RNF220: variants seen among roughly 807,000 people sequenced by gnomAD.
The protein encoded by RNF220 is ring finger protein 220.
In RNF220, 7 loss-of-function variants were observed where a neutral mutation model predicts 67.1. The ratio of observed to expected loss-of-function variants is 0.10; its 90% CI spans 0.06 to 0.20. The LOEUF (loss-of-function observed/expected upper bound fraction) is 0.20, where lower values mean the gene tolerates loss of function less well. Ranked by LOEUF, RNF220 falls within the 10% of genes least tolerant of loss-of-function variation. The probability of loss-of-function intolerance (pLI) is 1.00; values close to 1 mark genes in which losing one functional copy is unlikely to be tolerated. For missense variants in RNF220, 565 were observed against 740.3 expected (o/e 0.76, Z 2.75); for synonymous variants, 270 against 283.2 (o/e 0.95, Z 0.47).
intron 2 of RNF220, among the ~76,000 whole-genome samples, chr1:44,501,170 G>C (rs901185514): frequency 1.3e-4 from 20 of 149,672 alleles, no homozygotes; most frequent in African/African-American, 4.4e-4. Flanking sequence ...GGGGGAGGGG[G>C]TGGGGAGAGC....
chr1:44,551,209 G>T (rs984505285), intron 2 of RNF220, among the ~76,000 whole-genome samples: 3 of 147,424 alleles, frequency 2.0e-5, no homozygotes, highest in South Asian at 2.1e-4. Flanking sequence ...TCGCCTTCTG[G>T]ATTCAAGCAA....
At chr1:44,409,044 T>G (rs1307660714) in intron 1 of RNF220, 2 of 152,278 alleles carry the variant, frequency 1.3e-5, no homozygotes, top group Non-Finnish European at 2.9e-5. Context: ...CAGCCCAGCC[T>G]CAGACATTTT....
At chr1:44,599,556 G>A (rs535423405) in intron 2 of RNF220, among the ~76,000 whole-genome samples, 1 of 152,298 alleles carries the variant, frequency 6.6e-6, no homozygotes, top group East Asian at 1.9e-4. Context: ...CTACCCAGGA[G>A]GCTGAGGTGA....
intron 5 of RNF220, 41 bp downstream of exon 5, chr1:44,626,439 C>G: frequency 4.0e-6 from 6 of 1,514,258 alleles, no homozygotes; most frequent in Non-Finnish European, 5.5e-6. Context: ...GCAAGCTCAC[C>G]TGGGGGAGGG....
intron 2 of RNF220, among the ~76,000 whole-genome samples, chr1:44,543,630 G>A (rs905243932): frequency 1.3e-5 from 2 of 152,056 alleles, no homozygotes; most frequent in African/African-American, 2.4e-5. Context: ...CGTGGAAGCC[G>A]TGTGTGCATG....
intron 2 of RNF220, among the ~76,000 whole-genome samples, chr1:44,495,841 G>C (rs1409696977): frequency 6.6e-6 from 1 of 152,222 alleles, no homozygotes; most frequent in Non-Finnish European, 1.5e-5. Context: ...ACAGACATCT[G>C]TTTTGCTCCC....
chr1:44,469,333 C>A (rs1048958488), intron 2 of RNF220, among the ~76,000 whole-genome samples: 7 of 152,100 alleles, frequency 4.6e-5, no homozygotes, highest in Non-Finnish European at 1.0e-4. Context: ...TCCGTAGGGT[C>A]TTTAATTCTT....
intron 2 of RNF220, among the ~76,000 whole-genome samples, chr1:44,597,297 A>C (rs974189586): frequency 2.0e-5 from 3 of 152,234 alleles, no homozygotes; most frequent in African/African-American, 7.2e-5. Flanking sequence ...AAATAAATGA[A>C]TGAAGTAGCC....
Position 44,565,821 on chromosome 1 carries a change from A to G in RNF220, c.626-48344A>G, listed in dbSNP as rs1418784618. ...TGGAGACTCCCATCCCCGTCCTGCA[A>G]CCCAGTCCTCCTGCTGCAGTCTTAC... On this transcript the variant is annotated intron_variant, in intron 2 of 14. Coordinates refer to ENST00000361799, the MANE Select transcript of RNF220 (RefSeq NM_018150.4). This position sits in a 1 kb window ranked among gnomAD's most constrained non-coding sequence, Gnocchi z 4.2. 6.6e-6 allele frequency among the ~76,000 whole-genome samples: 1 copy of G among 152,036 alleles called. No homozygotes were observed. The highest frequency in any genetic ancestry group is 1.9e-4 in the East Asian group (1 of 5,188).
Position 44,645,691 on chromosome 1 carries a change from A to T in RNF220, c.1445+203A>T, listed in dbSNP as rs1256067120. Among the ~76,000 whole-genome samples the T allele has an allele frequency of 6.6e-6, 1 of 152,184 alleles. No individual in the cohort carries two copies. Among genetic ancestry groups the T allele is most frequent in the African/African-American group, 2.4e-5 (1 of 41,442 alleles). The stretch of plus-strand genomic sequence containing the variant: ...TTGATCACTGGGCCACGGCCCCAGA[A>T]GCCTTGGCGGTGGGAGGAGCAGTCC... On this transcript the variant is annotated intron_variant, in intron 12 of 14. Transcript: ENST00000361799. This position sits in a 1 kb window ranked among gnomAD's most constrained non-coding sequence, Gnocchi z 5.0.
intron 2 of RNF220, among the ~76,000 whole-genome samples, chr1:44,589,968 G>C (rs1665998904): frequency 6.6e-6 from 1 of 152,152 alleles, no homozygotes; most frequent in African/African-American, 2.4e-5. Flanking sequence ...CTGGACCCTG[G>C]TGCAAATTAA....
At chr1:44,411,225 T>A (rs781544090) in intron 1 of RNF220, among the ~76,000 whole-genome samples, 3 of 152,216 alleles carry the variant, frequency 2.0e-5, no homozygotes, top group Non-Finnish European at 2.9e-5. Flanking sequence ...GTTTTAAGTG[T>A]TGTCAGAGAC....
In RNF220 at chr1:44,606,400, A is replaced by C. The variant is rs1028226784; in HGVS notation, c.626-7765A>C. Among the ~76,000 whole-genome samples, 5 of 152,206 alleles carry C rather than the reference A, an allele frequency of 3.3e-5. No homozygotes were observed. The highest frequency in any genetic ancestry group is 1.2e-4 in the African/African-American group (5 of 41,444). The stretch of plus-strand genomic sequence containing the variant: ...AAGAGAAGGAGGAAGGGACTGAGTG[A>C]GGGGAGAGTGGATGAGTAATTAGGT... On this transcript the variant is annotated intron_variant, in intron 2 of 14. Transcript: ENST00000361799. The surrounding 1 kb of genome is among the most constrained non-coding windows in gnomAD (Gnocchi z 4.2).
At chr1:44,637,630 T>C (rs1644366560) in intron 8 of RNF220, among the ~76,000 whole-genome samples, 1 of 152,232 alleles carries the variant, frequency 6.6e-6, no homozygotes, top group South Asian at 2.1e-4. Flanking sequence ...TTATGGAGGA[T>C]AAAGCTGCAA....
intron 2 of RNF220, among the ~76,000 whole-genome samples, chr1:44,458,192 G>A (rs989198115): frequency 3.9e-5 from 6 of 152,034 alleles, no homozygotes; most frequent in East Asian, 3.9e-4. Context: ...GAACCCAGGC[G>A]TTACAGTGAG....
At chr1:44,553,700 T>A (rs1662851651) in intron 2 of RNF220, among the ~76,000 whole-genome samples, 1 of 152,180 alleles carries the variant, frequency 6.6e-6, no homozygotes, top group African/African-American at 2.4e-5. Context: ...TATGGTCCAG[T>A]TAGTGTCCCA....
intron 8 of RNF220, chr1:44,644,471 A>T (rs1644577720): frequency 7.6e-6 from 4 of 523,212 alleles, no homozygotes; most frequent in Non-Finnish European, 1.4e-5. Context: ...ATGAGCAGAG[A>T]CCACTTGGAG....
At chr1:44,623,185 A>G (rs1372046598) in intron 4 of RNF220, among the ~76,000 whole-genome samples, 1 of 152,064 alleles carries the variant, frequency 6.6e-6, no homozygotes, top group African/African-American at 2.4e-5. Context: ...AAGCCAGACT[A>G]TGGGGGCACA....
At chr1:44,635,728 A>T in intron 7 of RNF220, 140 bp downstream of exon 7, 1 of 1,508,116 alleles carries the variant, frequency 6.6e-7, no homozygotes, top group Non-Finnish European at 8.9e-7. Flanking sequence ...CTAGCTGCTG[A>T]CTGCCCCTGA....
Sources: gnomAD v4.1 joint callset for allele counts (sites outside exome capture counted in the v4.1 genomes callset) on GRCh38, gnomAD v4.1.1 for gene constraint, Gnocchi (gnomAD v3.1) non-coding constraint, MANE v1.5 for transcripts, NCBI Gene and HGNC (gene_info 2026-07-23, HGNC 2026-07-21) for gene names.